The following HSD11B1L variants were observed in gnomAD, a reference collection of about 807,000 sequenced individuals.
HSD11B1L encodes the protein hydroxysteroid 11-beta dehydrogenase 1 like.
HSD11B1L carries 22 observed loss-of-function variants against 27.0 expected under a neutral mutation model. That is an observed-to-expected ratio of 0.81 (90% CI 0.58 to 1.16). The LOEUF is 1.16. Ranked by LOEUF, HSD11B1L falls within the 50% of genes most tolerant of loss-of-function variation. The pLI is 0.00. For synonymous variants in HSD11B1L, 187 were observed against 189.2 expected, an observed-to-expected ratio of 0.99 and a Z score of 0.09; for missense variants, 372 against 401.8, an observed-to-expected ratio of 0.93 and a Z score of 0.63.
rs901058986 is a variant in HSD11B1L at position 5,685,224 on chromosome 19, G to A, written c.204+105G>A. ...GATCCAGGCTTCCCGTGTGACCTTG[G>A]GCAAGTCGCCTAACCTCTCTGAGCC... On this transcript the variant is annotated intron_variant, in intron 3 of 7. Transcript: ENST00000339423. This position sits in a 1 kb window ranked among gnomAD's most constrained non-coding sequence, Gnocchi z 4.3. 3.3e-5 allele frequency: 48 copies of A among 1,434,648 alleles called. No homozygotes were observed. The highest frequency in any genetic ancestry group is 4.1e-5 in the Non-Finnish European group (43 of 1,055,062). 88.9% of individuals were successfully genotyped at this position (1,434,648 alleles called of 1,614,324 possible).
chr19:5,684,648 A>G (rs527580689), intron 1 of HSD11B1L, 171 bp from the exon 2 acceptor site: 1 of 952,384 alleles, frequency 1.0e-6, no homozygotes, highest in Non-Finnish European at 1.5e-6. Flanking sequence ...GCGGTGGTTC[A>G]TGGAGCCGCG....
chr19:5,684,064 C>G, intron 1 of HSD11B1L: 1 of 481,648 alleles, frequency 2.1e-6, no homozygotes, highest in Non-Finnish European at 3.7e-6. Flanking sequence ...CAACTTCTGC[C>G]TCCCAGGTTC....
At position 5,683,506 on chromosome 19, in the gene HSD11B1L, C is replaced by T. The variant is rs533464020; in HGVS notation, c.-14-1313C>T. Among the ~76,000 whole-genome samples the T allele has an allele frequency of 5.9e-5, 9 of 152,272 alleles. No individual in the cohort carries two copies. The South Asian group carries it at 1.9e-3, about 32-fold the overall frequency. ...TGGCACAGTTTTGGGCCCTGAAGAC[C>T]CAATAGGGAACAAAGTAGAAGATTT... is the stretch of plus-strand genomic sequence containing the variant. On this transcript the variant is annotated intron_variant, in intron 1 of 7. Coordinates refer to ENST00000339423, the MANE Select transcript of HSD11B1L (RefSeq NM_198706.3).
intron 2 of HSD11B1L, 30 bp from the exon 3 acceptor site, chr19:5,684,959 G>A (rs1187265480): frequency 1.7e-5 from 27 of 1,612,370 alleles, no homozygotes; most frequent in Admixed American, 1.0e-4. Context: ...CCTGTCCTCC[G>A]CCCAGAGTGA....
At position 5,685,303 on chromosome 19, in the gene HSD11B1L, C is replaced by A; in HGVS notation, c.204+184C>A. ...ACAATAAAACCACTTTCTGGCCAGG[C>A]ACGGTGGCTCACGCTTGTAGTCAGC... On this transcript the variant is annotated intron_variant, in intron 3 of 7. Transcript: ENST00000339423. This position sits in a 1 kb window ranked among gnomAD's most constrained non-coding sequence, Gnocchi z 4.3. 1.2e-6 allele frequency: 1 copy of A among 802,266 alleles called. No individual in the cohort carries two copies. The highest frequency in any genetic ancestry group is 2.1e-6 in the Non-Finnish European group (1 of 478,854). 49.7% of individuals were successfully genotyped at this position (802,266 alleles called of 1,614,324 possible).
chr19:5,688,308 T>C lies in HSD11B1L; in HGVS notation c.*363T>C. 4.5e-6 allele frequency: 4 copies of C among 888,246 alleles called. No homozygotes were observed. The highest frequency in any genetic ancestry group is 6.7e-6 in the Non-Finnish European group (4 of 596,050). The allele number at this position is 888,246 out of a possible 1,614,324, so 55.0% of individuals were successfully genotyped here. On this transcript the variant is annotated 3_prime_UTR_variant, in exon 8 of 8. Coordinates refer to ENST00000339423, the MANE Select transcript of HSD11B1L (RefSeq NM_198706.3). ...TCTCCTGCCTGCGCCTTTAAGTCCC[T>C]GATTTATTCTTTCCATTCATTCCAT...
Position 5,686,889 on chromosome 19 carries a change from T to C in HSD11B1L, c.317-11T>C. The stretch of plus-strand genomic sequence containing the variant: ...AGGGGCCTCCGGGGCTGACCGGCGT[T>C]TCTGGGCCAGGCGGGCTGGACTACC... On this transcript the variant is annotated splice_polypyrimidine_tract_variant and intron_variant, in intron 4 of 7. Coordinates refer to ENST00000339423, the MANE Select transcript of HSD11B1L (RefSeq NM_198706.3). 6.5e-7 allele frequency: 1 copy of C among 1,540,154 alleles called. No individual in the cohort carries two copies. The highest frequency in any genetic ancestry group is 1.2e-5 in the South Asian group (1 of 83,072).
Position 5,685,244 on chromosome 19 carries a change from T to A in HSD11B1L, c.204+125T>A. 3 of 1,263,896 alleles carry A rather than the reference T, an allele frequency of 2.4e-6. No homozygotes were observed. Among genetic ancestry groups the A allele is most frequent in the East Asian group, 5.0e-5 (2 of 39,716 alleles). 78.3% of individuals were successfully genotyped at this position (1,263,896 alleles called of 1,614,324 possible). A position where few individuals can be genotyped will look rare whatever the true frequency, so the allele number is the denominator to read the frequency against. On this transcript the variant is annotated intron_variant, in intron 3 of 7. Coordinates refer to ENST00000339423, the MANE Select transcript of HSD11B1L (RefSeq NM_198706.3). The surrounding 1 kb of genome is among the most constrained non-coding windows in gnomAD (Gnocchi z 4.3). ...CCTTGGGCAAGTCGCCTAACCTCTC[T>A]GAGCCTCTCAGTTTCCTCATTTGCA... is the stretch of plus-strand genomic sequence containing the variant.
chr19:5,688,014 C>G lies in HSD11B1L; in HGVS notation c.*69C>G. The G allele has an allele frequency of 6.4e-7, 1 of 1,551,536 alleles. No homozygotes were observed. Among genetic ancestry groups the G allele is most frequent in the South Asian group, 1.2e-5 (1 of 84,092 alleles). On this transcript the variant is annotated 3_prime_UTR_variant, in exon 8 of 8. Transcript: ENST00000339423. ...CCTCCAACTGTCCCTGGAGCCAGAACACTCACAGAGACACCCCTGAGAGGG... is the reference window on the plus strand; with the variant it reads ...CCTCCAACTGTCCCTGGAGCCAGAAGACTCACAGAGACACCCCTGAGAGGG...
chr19:5,683,693 A>C (rs999895002), intron 1 of HSD11B1L, among the ~76,000 whole-genome samples: 1 of 152,064 alleles, frequency 6.6e-6, no homozygotes, highest in Non-Finnish European at 1.5e-5. Flanking sequence ...GGAGTTCAAA[A>C]TCAGCCTGGG....
At chr19:5,684,702 G>A in intron 1 of HSD11B1L, 117 bp from the exon 2 acceptor site, 1 of 1,527,514 alleles carries the variant, frequency 6.5e-7, no homozygotes, top group East Asian at 2.3e-5. Context: ...GGTGGTGGCT[G>A]TGGAGGTGGA....
Position 5,687,919 on chromosome 19 carries a change from C to G in HSD11B1L, c.835C>G (p.Leu279Val). Residue 279 changes from leucine to valine, a missense_variant, in exon 8 of 8, where the codon CTC becomes GTC. By Grantham distance (32) the Leu-to-Val change is conservative (BLOSUM62 1). Transcript: ENST00000339423. This position sits in a 1 kb window ranked among gnomAD's most constrained non-coding sequence, Gnocchi z 6.6. ...GCGGGCCTGGTTTATCCGCCAGGAG[C>G]TCAACGTCACGGCCGCGGCAGCCTG... ...RPRAWFIRQELNVTAAAA is the reference protein window; with the variant it reads ...RPRAWFIRQEVNVTAAAA 6.4e-7 allele frequency: 1 copy of G among 1,568,058 alleles called. No individual in the cohort carries two copies. Among genetic ancestry groups the G allele is most frequent in the Non-Finnish European group, 8.7e-7 (1 of 1,156,018 alleles).
chr19:5,681,574 C>T (rs1293725439), intron 1 of HSD11B1L, among the ~76,000 whole-genome samples: 1 of 152,026 alleles, frequency 6.6e-6, no homozygotes, highest in Non-Finnish European at 1.5e-5. Context: ...ACTCATCCAT[C>T]TGTCCACCCA....
chr19:5,687,580 C>T lies in HSD11B1L; in HGVS notation c.580C>T (p.Arg194Trp). 6.3e-7 allele frequency: 1 copy of T among 1,599,056 alleles called. No individual in the cohort carries two copies. The highest frequency in any genetic ancestry group is 1.7e-5 in the Admixed American group (1 of 59,824). Reference protein sequence around the residue: ...ALDGFFGSLRRELDVQDVNVA... With the variant: ...ALDGFFGSLRWELDVQDVNVA... ...GGACGGCTTCTTCGGCTCCCTGCGG[C>T]GGGAGCTGGACGTGCAGGACGTGAA... The change falls in exon 7 of 8, where the codon CGG becomes TGG. Residue 194 changes from arginine to tryptophan, a missense_variant. By Grantham distance (101) the Arg-to-Trp change is moderately radical. Coordinates refer to ENST00000339423, the MANE Select transcript of HSD11B1L (RefSeq NM_198706.3). This position sits in a 1 kb window ranked among gnomAD's most constrained non-coding sequence, Gnocchi z 6.6.
intron 4 of HSD11B1L, 102 bp downstream of exon 4, chr19:5,686,629 CAGGG>C: frequency 1.1e-6 from 1 of 923,682 alleles, no homozygotes; most frequent in Non-Finnish European, 1.6e-6. Context: ...ACAGGTGTCT[CAGGG>C]CGGAGACAAA....
At chr19:5,682,158 AGTG>A (rs1422768829) in intron 1 of HSD11B1L, among the ~76,000 whole-genome samples, 1 of 152,218 alleles carries the variant, frequency 6.6e-6, no homozygotes, top group African/African-American at 2.4e-5. Context: ...CATGGGGTGC[AGTG>A]AGGAGCCTGG....
chr19:5,688,476 C>T lies in HSD11B1L; in HGVS notation c.*531C>T. 1 of 423,880 alleles carries T rather than the reference C, an allele frequency of 2.4e-6. No homozygotes were observed. The allele number at this position is 423,880 out of a possible 1,614,324, so 26.3% of individuals were successfully genotyped here. On this transcript the variant is annotated 3_prime_UTR_variant, in exon 8 of 8. Transcript: ENST00000339423. Reference sequence around the variant, plus strand: ...GAGGAGGGAAAGAGTGTGTTCTGAGCTGGACCCAGCCTCTTGTTCGAGAAT... The same window carrying T: ...GAGGAGGGAAAGAGTGTGTTCTGAGTTGGACCCAGCCTCTTGTTCGAGAAT...
At chr19:5,682,205 G>T (rs1212808852) in intron 1 of HSD11B1L, among the ~76,000 whole-genome samples, 1 of 152,218 alleles carries the variant, frequency 6.6e-6, no homozygotes, top group Non-Finnish European at 1.5e-5. Flanking sequence ...CCCTGAGAGG[G>T]TTTGGAGCAG....
At position 5,685,596 on chromosome 19, in the gene HSD11B1L, G is replaced by A. The variant is rs896636647; in HGVS notation, c.204+477G>A. ...AAAATAAATAAATAAAAAATTAGCC[G>A]GCGTGGTGTCAGGCACCTGTAATCC... On this transcript the variant is annotated intron_variant, in intron 3 of 7. Transcript: ENST00000339423. This position sits in a 1 kb window ranked among gnomAD's most constrained non-coding sequence, Gnocchi z 4.3. 9.6e-5 allele frequency: 18 copies of A among 187,414 alleles called. No homozygotes were observed. The highest frequency in any genetic ancestry group is 1.8e-4 in the Non-Finnish European group (16 of 87,744). 11.6% of individuals were successfully genotyped at this position (187,414 alleles called of 1,614,324 possible). A position where few individuals can be genotyped will look rare whatever the true frequency, so the allele number is the denominator to read the frequency against.
Sources: gnomAD v4.1 joint callset for allele counts (sites outside exome capture counted in the v4.1 genomes callset) on GRCh38, gnomAD v4.1.1 for gene constraint, Gnocchi (gnomAD v3.1) non-coding constraint, MANE v1.5 for transcripts, NCBI Gene and HGNC (gene_info 2026-07-23, HGNC 2026-07-21) for gene names.